The following QTGAL variants were observed in gnomAD, a reference collection of about 807,000 sequenced individuals.
The protein encoded by QTGAL is BGnT-like protein 1.
the QTGAL span, among the ~76,000 whole-genome samples, chr17:82,984,216 CGTGGG>C: frequency 1.2e-5 from 1 of 82,866 alleles, no homozygotes; most frequent in Admixed American, 1.2e-4. Context: ...CACATGAGGA[CGTGGG>C]GGAGGGGAGA....
At chr17:82,947,663 C>G in the QTGAL span, 1 of 152,372 alleles carries the variant, frequency 6.6e-6, no homozygotes, top group Non-Finnish European at 1.5e-5. Flanking sequence ...TCTGGCAGGA[C>G]AGAGGAGGGA....
At chr17:83,043,124 G>C in the QTGAL span, among the ~76,000 whole-genome samples, 1 of 147,220 alleles carries the variant, frequency 6.8e-6, no homozygotes, top group African/African-American at 2.6e-5. Context: ...AGAACATCTA[G>C]AGAGAAGATA....
chr17:82,945,439 G>C, the QTGAL span: 1 of 152,226 alleles, frequency 6.6e-6, no homozygotes, highest in East Asian at 1.9e-4. Flanking sequence ...AAGAAGGACA[G>C]AGTGATATAA....
chr17:82,961,305 G>A, the QTGAL span: 1 of 1,233,184 alleles, frequency 8.1e-7, no homozygotes, highest in Non-Finnish European at 1.1e-6. Context: ...TTGTTGCAAA[G>A]AAACCGGTCT....
At chr17:83,013,324 C>T in the QTGAL span, among the ~76,000 whole-genome samples, 2 of 151,162 alleles carry the variant, frequency 1.3e-5, no homozygotes, top group African/African-American at 4.9e-5. Context: ...ACGCAAACCT[C>T]CGTGCAGCCG....
the QTGAL span, among the ~76,000 whole-genome samples, chr17:83,008,458 G>C: frequency 6.6e-6 from 1 of 152,138 alleles, no homozygotes; most frequent in African/African-American, 2.4e-5. Flanking sequence ...AAAGGAATAG[G>C]ATACTGACAG....
At chr17:82,999,272 T>C in the QTGAL span, among the ~76,000 whole-genome samples, 1 of 150,468 alleles carries the variant, frequency 6.6e-6, no homozygotes, top group South Asian at 2.1e-4. Context: ...ATATGTTCAC[T>C]GTCATGCACA....
chr17:83,017,828 A>C, the QTGAL span, among the ~76,000 whole-genome samples: 1 of 151,626 alleles, frequency 6.6e-6, no homozygotes, highest in South Asian at 2.1e-4. Context: ...ATCAGGTACC[A>C]CATGTGCTCC....
the QTGAL span, among the ~76,000 whole-genome samples, chr17:83,010,294 A>C: frequency 5.9e-5 from 9 of 152,142 alleles, no homozygotes; most frequent in Non-Finnish European, 1.0e-4. Context: ...GGCGAAGGTG[A>C]AGGAGGAGCA....
At chr17:83,020,971 A>G in the QTGAL span, among the ~76,000 whole-genome samples, 1 of 152,216 alleles carries the variant, frequency 6.6e-6, no homozygotes. Flanking sequence ...TTGCTTTATG[A>G]TACTTTATAG....
At chr17:82,946,246 GAAAT>G in the QTGAL span, among the ~76,000 whole-genome samples, 5 of 152,198 alleles carry the variant, frequency 3.3e-5, no homozygotes, top group Non-Finnish European at 7.3e-5. Flanking sequence ...CACACAATTA[GAAAT>G]AAATATTTTG....
At chr17:82,974,066 C>G in the QTGAL span, among the ~76,000 whole-genome samples, 1 of 152,364 alleles carries the variant, frequency 6.6e-6, no homozygotes, top group Non-Finnish European at 1.5e-5. Flanking sequence ...GCGACTGCCA[C>G]TGCAGTGCTG....
chr17:83,005,486 G>A, the QTGAL span: 1 of 669,276 alleles, frequency 1.5e-6, no homozygotes, highest in Non-Finnish European at 2.7e-6. The surrounding 1 kb of genome is among the most constrained non-coding windows in gnomAD (Gnocchi z 5.6). Flanking sequence ...CCCTGGGCTG[G>A]ATTGAGAATA....
the QTGAL span, among the ~76,000 whole-genome samples, chr17:83,039,736 G>A: frequency 3.3e-5 from 5 of 152,210 alleles, no homozygotes; most frequent in East Asian, 5.8e-4. Context: ...ATAAGGAAAC[G>A]GAGGCAGAGC....
At chr17:82,988,744 T>A in the QTGAL span, among the ~76,000 whole-genome samples, 23 of 152,128 alleles carry the variant, frequency 1.5e-4, no homozygotes, top group African/African-American at 4.8e-4. Flanking sequence ...AACAAACATA[T>A]GATAAAAAGC....
the QTGAL span, among the ~76,000 whole-genome samples, chr17:82,985,869 AATC>A: frequency 0.82 from 124,555 of 151,970 alleles, 51,404 homozygotes; most frequent in African/African-American, 0.92. Flanking sequence ...AAGCATTAAA[AATC>A]ATCGTGTATT....
At chr17:82,957,197 C>T in the QTGAL span, 1 of 1,614,194 alleles carries the variant, frequency 6.2e-7, no homozygotes, top group Non-Finnish European at 8.5e-7. Context: ...GTCCTCGTGG[C>T]AATAGAAGCC....
the QTGAL span, among the ~76,000 whole-genome samples, chr17:82,983,297 T>C: frequency 6.6e-6 from 1 of 152,216 alleles, no homozygotes; most frequent in Non-Finnish European, 1.5e-5. Context: ...ATATATGTTT[T>C]AGTTCTGCAA....
At chr17:82,981,730 A>G in the QTGAL span, 124,028 of 152,028 alleles carry the variant, frequency 0.82, 50,922 homozygotes, top group African/African-American at 0.91. Flanking sequence ...AACCCTCCAC[A>G]TGTACTAACT....
Sources: allele counts gnomAD v4.1 joint callset (sites outside exome capture counted in the v4.1 genomes callset), GRCh38; gene constraint gnomAD v4.1.1; non-coding constraint Gnocchi (gnomAD v3.1); transcripts MANE v1.5; gene names NCBI Gene and HGNC (gene_info 2026-07-23, HGNC 2026-07-21).